The following TOX2 variants were observed in gnomAD, a reference collection of about 807,000 sequenced individuals.
TOX2 encodes granulosa cell HMG box 1.
A neutral mutation model predicts 47.4 loss-of-function variants in TOX2; 15 were observed. That is an observed-to-expected ratio of 0.32 (90% CI 0.21 to 0.49). TOX2 has a LOEUF of 0.49. TOX2 is among the 20% of genes least tolerant of loss of function. TOX2 has a pLI of 0.99. For missense variants in TOX2, 622 were observed against 673.1 expected (o/e 0.92, Z 0.84); for synonymous variants, 290 against 296.6 (o/e 0.98, Z 0.23).
In TOX2 at chr20:44,068,913, G is replaced by T; in HGVS notation, c.*227G>T. 1 of 692,204 alleles carries T rather than the reference G, an allele frequency of 1.4e-6. No homozygotes were observed. Among genetic ancestry groups the T allele is most frequent in the Non-Finnish European group, 2.7e-6 (1 of 374,398 alleles). The allele number at this position is 692,204 out of a possible 1,614,324, so 42.9% of individuals were successfully genotyped here. A position where few individuals can be genotyped will look rare whatever the true frequency, so the allele number is the denominator to read the frequency against. On this transcript the variant is annotated 3_prime_UTR_variant, in exon 9 of 9. Coordinates refer to ENST00000341197, the MANE Select transcript of TOX2 (RefSeq NM_001098797.2). Reference sequence around the variant, plus strand: ...AAGAACCTGCAGGAACCTTCCGCCCGCTGACCTGCTTGCTCCAGGGTAACT... The same window carrying T: ...AAGAACCTGCAGGAACCTTCCGCCCTCTGACCTGCTTGCTCCAGGGTAACT...
At chr20:44,040,324 T>G (rs2071311319) in intron 3 of TOX2, among the ~76,000 whole-genome samples, 1 of 151,792 alleles carries the variant, frequency 6.6e-6, no homozygotes, top group East Asian at 1.9e-4. Flanking sequence ...AACACCAGCG[T>G]TTAGTGGGTG....
intron 3 of TOX2, among the ~76,000 whole-genome samples, chr20:44,034,798 C>T (rs538150137): frequency 2.6e-5 from 4 of 152,134 alleles, no homozygotes; most frequent in Non-Finnish European, 5.9e-5. Flanking sequence ...GAAGAGAATA[C>T]CCCCAAAAGA....
chr20:43,985,223 A>T (rs910342705), intron 2 of TOX2, among the ~76,000 whole-genome samples: 7 of 152,052 alleles, frequency 4.6e-5, no homozygotes, highest in Admixed American at 3.9e-4. Flanking sequence ...TCTCTGAGGG[A>T]CCTTCCGGGT....
At chr20:44,064,328 T>C (rs2071772081) in intron 5 of TOX2, among the ~76,000 whole-genome samples, 1 of 152,156 alleles carries the variant, frequency 6.6e-6, no homozygotes, top group Non-Finnish European at 1.5e-5. Context: ...AGTCCTACAA[T>C]AACATATGAA....
At position 44,016,677 on chromosome 20, in the gene TOX2, T is replaced by C. The variant is rs151285122; in HGVS notation, c.411+9885T>C. The stretch of plus-strand genomic sequence containing the variant: ...CATCCCCTGGGAGCAAAATCACCCC[T>C]GGTTGAGAGCCTCCGCCTGCTGTTC... On this transcript the variant is annotated intron_variant, in intron 3 of 8. Transcript: ENST00000341197. Among the ~76,000 whole-genome samples the C allele has an allele frequency of 5.6e-3, 854 of 152,236 alleles. 6 individuals carry two copies. Among genetic ancestry groups the C allele is most frequent in the African/African-American group, 0.02 (822 of 41,540 alleles).
chr20:43,973,025 G>A (rs1202821990), intron 1 of TOX2, among the ~76,000 whole-genome samples: 3 of 152,270 alleles, frequency 2.0e-5, no homozygotes, highest in Non-Finnish European at 4.4e-5. Context: ...GATCAAGGGA[G>A]GTGTTTGCAT....
At chr20:44,057,051 G>A (rs2071631663) in intron 5 of TOX2, among the ~76,000 whole-genome samples, 1 of 152,100 alleles carries the variant, frequency 6.6e-6, no homozygotes, top group Non-Finnish European at 1.5e-5. Flanking sequence ...CTGGACTACA[G>A]GCGTGCCATG....
intron 1 of TOX2, among the ~76,000 whole-genome samples, chr20:43,936,547 G>C (rs1017276441): frequency 1.3e-5 from 2 of 152,178 alleles, no homozygotes; most frequent in African/African-American, 4.8e-5. Context: ...GGGTGATCTA[G>C]GACAGCCTCC....
rs115538280 is a variant in TOX2 at position 43,996,635 on chromosome 20, G to C, written c.166-9912G>C. 5.4e-3 allele frequency among the ~76,000 whole-genome samples: 817 copies of C among 152,098 alleles called. 12 individuals are homozygous for C. The highest frequency in any genetic ancestry group is 0.019 in the African/African-American group (788 of 41,446). On this transcript the variant is annotated intron_variant, in intron 2 of 8. Coordinates refer to ENST00000341197, the MANE Select transcript of TOX2 (RefSeq NM_001098797.2). The stretch of plus-strand genomic sequence containing the variant: ...TCTACTTGTTCTGCATATCATCCGA[G>C]GGCTTTTTTTTTCTTGCTTGGGTGT...
At chr20:44,002,829 G>A (rs193289003) in intron 2 of TOX2, among the ~76,000 whole-genome samples, 1 of 152,190 alleles carries the variant, frequency 6.6e-6, no homozygotes, top group African/African-American at 2.4e-5. Flanking sequence ...AATGAATAGA[G>A]CAAAAACTCA....
chr20:44,067,279 G>T (rs1267830255), intron 8 of TOX2, among the ~76,000 whole-genome samples: 1 of 152,112 alleles, frequency 6.6e-6, no homozygotes, highest in Middle Eastern at 3.4e-3. Context: ...GGGGGAAGGA[G>T]CTGAGGGGGG....
Position 43,997,339 on chromosome 20 carries a change from C to T in TOX2, c.166-9208C>T, listed in dbSNP as rs186994082. 1.4e-3 allele frequency among the ~76,000 whole-genome samples: 212 copies of T among 152,258 alleles called. 2 individuals are homozygous for T. The highest frequency in any genetic ancestry group is 4.9e-3 in the African/African-American group (205 of 41,562). On this transcript the variant is annotated intron_variant, in intron 2 of 8. Coordinates refer to ENST00000341197, the MANE Select transcript of TOX2 (RefSeq NM_001098797.2). The stretch of plus-strand genomic sequence containing the variant: ...GCAATACAGCAGGTTGATAAAATCA[C>T]AATCACAGTGGAAATTTTTAACACA...
Position 44,068,691 on chromosome 20 carries a change from G to A in TOX2, c.*5G>A, listed in dbSNP as rs200291486. The A allele has an allele frequency of 7.8e-4, 1,259 of 1,613,918 alleles. 10 individuals are homozygous for A. The African/African-American group carries it at 0.016, about 20-fold the overall frequency. ...AAATCGCTCTACCTCACCTAATCCC[G>A]CCTCCCTACCATCCCTGAGGCTCGC... On this transcript the variant is annotated 3_prime_UTR_variant, in exon 9 of 9. Transcript: ENST00000341197.
chr20:44,055,901 A>T (rs2071608105), intron 5 of TOX2, among the ~76,000 whole-genome samples: 2 of 152,172 alleles, frequency 1.3e-5, no homozygotes, highest in Non-Finnish European at 2.9e-5. Context: ...TCTTTACCGT[A>T]TTCTAAAATT....
intron 8 of TOX2, among the ~76,000 whole-genome samples, chr20:44,068,072 A>G (rs1353088629): frequency 6.6e-6 from 1 of 152,124 alleles, no homozygotes; most frequent in Non-Finnish European, 1.5e-5. Flanking sequence ...GTGAGATTCT[A>G]CATGGGTGGG....
intron 3 of TOX2, among the ~76,000 whole-genome samples, chr20:44,014,724 T>A (rs1404905530): frequency 1.3e-5 from 2 of 152,210 alleles, no homozygotes; most frequent in Non-Finnish European, 1.5e-5. Flanking sequence ...TTGGTAAATG[T>A]AAGCTGCTCT....
rs2071614722 is a variant in TOX2, at chr20:44,056,298, CA to C, written c.879+1773del. 3.3e-5 allele frequency among the ~76,000 whole-genome samples: 5 copies of C among 152,346 alleles called. No individual in the cohort carries two copies. The South Asian group carries it at 1.0e-3, about 32-fold the overall frequency. ...CTGGAAGTAGAGCATGTTTGTAGGACAGGGGTAAGGACTGGGGGATATTGGC... is the reference window on the plus strand; with the variant it reads ...CTGGAAGTAGAGCATGTTTGTAGGACGGGGTAAGGACTGGGGGATATTGGC... On this transcript the variant is annotated intron_variant, in intron 5 of 8. Coordinates refer to ENST00000341197, the MANE Select transcript of TOX2 (RefSeq NM_001098797.2).
chr20:43,997,521 T>C (rs1298547111), intron 2 of TOX2, among the ~76,000 whole-genome samples: 2 of 152,230 alleles, frequency 1.3e-5, no homozygotes, highest in Admixed American at 1.3e-4. Context: ...AAAGAATTAA[T>C]ATATTTTTCA....
chr20:43,979,144 T>C (rs2070129696), intron 2 of TOX2, among the ~76,000 whole-genome samples: 1 of 152,186 alleles, frequency 6.6e-6, no homozygotes, highest in African/African-American at 2.4e-5. Context: ...GGATGTGTTA[T>C]ATTTGAGATG....
Sources: gnomAD v4.1 joint callset for allele counts (sites outside exome capture counted in the v4.1 genomes callset) on GRCh38, gnomAD v4.1.1 for gene constraint, MANE v1.5 for transcripts, NCBI Gene and HGNC (gene_info 2026-07-23, HGNC 2026-07-21) for gene names.